CDH3: variants seen among roughly 807,000 people sequenced by gnomAD.
The protein encoded by CDH3 is cadherin-3.
Under a neutral mutation model 82.0 loss-of-function variants are expected in CDH3, and 54 were observed. That is an observed-to-expected ratio of 0.66 (90% confidence interval 0.53 to 0.83). The LOEUF is 0.83. Ranked by LOEUF, CDH3 falls within the 40% of genes least tolerant of loss-of-function variation. The pLI is 0.00. For synonymous variants in CDH3, 446 were observed against 437.9 expected, an observed-to-expected ratio of 1.02 and a Z score of -0.23; for missense variants, 1,054 against 1,084.6, an observed-to-expected ratio of 0.97 and a Z score of 0.40.
intron 2 of CDH3, among the ~76,000 whole-genome samples, chr16:68,654,893 T>A (rs187356090): frequency 6.7e-6 from 1 of 149,294 alleles, no homozygotes; most frequent in East Asian, 2.0e-4. Context: ...AAAATTAGCC[T>A]GGCGTGGTGG....
At chr16:68,687,886 A>G in intron 12 of CDH3, 150 bp downstream of exon 12, 2 of 675,054 alleles carry the variant, frequency 3.0e-6, no homozygotes, top group Non-Finnish European at 5.4e-6. Context: ...GATGCTATTT[A>G]TTAACCTGGT....
At position 68,698,354 on chromosome 16, in the gene CDH3, G is replaced by A. The variant is rs557740168; in HGVS notation, c.2444G>A (p.Arg815His). 5.1e-5 allele frequency: 83 copies of A among 1,614,226 alleles called. 2 individuals are homozygous for A. Among genetic ancestry groups the A allele is most frequent in the South Asian group, 4.7e-4 (43 of 91,088 alleles). The change falls in exon 16 of 16, where the codon CGC becomes CAC. Residue 815 changes from arginine (R) to histidine (H), a missense_variant. Coordinates refer to ENST00000264012, the MANE Select transcript of CDH3 (RefSeq NM_001793.6). Reference protein sequence around the residue: ...DYDYLNEWGSRFKKLADMYGG... With the variant: ...DYDYLNEWGSHFKKLADMYGG... The stretch of plus-strand genomic sequence containing the variant: ...GATTATCTGAACGAGTGGGGCAGCC[G>A]CTTCAAGAAGCTGGCAGACATGTAC...
chr16:68,684,255 G>A (rs1961331044), intron 9 of CDH3, among the ~76,000 whole-genome samples: 1 of 152,114 alleles, frequency 6.6e-6, no homozygotes, highest in Admixed American at 6.6e-5. Context: ...AAGCAATCCA[G>A]CAGCCTTGGC....
chr16:68,679,204 G>A lies in CDH3; in HGVS notation c.691+298G>A, dbSNP rs1168780927. The stretch of plus-strand genomic sequence containing the variant: ...GAATCTTGGCTTTGCCCTCTTTACC[G>A]GCTGTGATCCTGGGCATATTCTTGA... On this transcript the variant is annotated intron_variant, in intron 6 of 15. Coordinates refer to ENST00000264012, the MANE Select transcript of CDH3 (RefSeq NM_001793.6). Among the ~76,000 whole-genome samples the A allele has an allele frequency of 5.3e-5, 8 of 152,196 alleles. No individual in the cohort carries two copies. In the East Asian group the frequency reaches 7.7e-4, roughly 15 times the overall value.
chr16:68,723,124 T>TA (rs1317294011), intron 2 of CDH3, among the ~76,000 whole-genome samples: 4 of 151,722 alleles, frequency 2.6e-5, no homozygotes, highest in Non-Finnish European at 5.9e-5. Flanking sequence ...ATATAAATTA[T>TA]AAAGTATAAT....
chr16:68,663,760 C>T (rs956225608), intron 2 of CDH3, among the ~76,000 whole-genome samples: 2 of 151,666 alleles, frequency 1.3e-5, no homozygotes, highest in African/African-American at 4.8e-5. Context: ...GCTAGCTAAA[C>T]CATATGCCAG....
chr16:68,688,092 C>T (rs1961466831), intron 12 of CDH3, among the ~76,000 whole-genome samples: 2 of 151,250 alleles, frequency 1.3e-5, no homozygotes, highest in Admixed American at 1.3e-4. Flanking sequence ...GTGACATGGG[C>T]CAAGTCACTC....
intron 1 of CDH3, 57 bp downstream of exon 1, chr16:68,645,481 G>A: frequency 6.3e-7 from 1 of 1,578,186 alleles, no homozygotes; most frequent in South Asian, 1.1e-5. Context: ...GGGCGGGCGG[G>A]GTCCGCATGG....
At position 68,682,324 on chromosome 16, in the gene CDH3, A is replaced by T. The variant is rs779798560; in HGVS notation, c.1019A>T (p.Asn340Ile). Residue 340 changes from asparagine to isoleucine, a missense_variant, in exon 9 of 16, where the codon AAT becomes ATT. Transcript: ENST00000264012. Reference protein sequence around the residue: ...PQKYEAHVPENAVGHEVQRLT... With the variant: ...PQKYEAHVPEIAVGHEVQRLT... ...CAGTACGAGGCCCATGTGCCTGAGA[A>T]TGCAGTGGGCCATGAGGTGCAGAGG... is the stretch of plus-strand genomic sequence containing the variant. 4.3e-6 allele frequency: 7 copies of T among 1,613,842 alleles called. No homozygotes were observed. In the African/African-American group the frequency reaches 9.3e-5, roughly 22 times the overall value.
At chr16:68,696,315 A>G (rs1961720803) in intron 15 of CDH3, 3 of 338,568 alleles carry the variant, frequency 8.9e-6, no homozygotes, top group Non-Finnish European at 1.7e-5. Flanking sequence ...GCTACTCGGG[A>G]GGCTGAGCAC....
At chr16:68,708,686 C>G (rs1355791189) in intron 1 of CDH3, among the ~76,000 whole-genome samples, 3 of 151,526 alleles carry the variant, frequency 2.0e-5, no homozygotes, top group African/African-American at 7.3e-5. Flanking sequence ...CTCTGTCGCC[C>G]AGGCTGGAGT....
intron 12 of CDH3, among the ~76,000 whole-genome samples, chr16:68,688,112 C>T (rs1175894028): frequency 6.7e-6 from 1 of 149,646 alleles, no homozygotes; most frequent in East Asian, 2.0e-4. Context: ...CCCTCCCTCT[C>T]GAGGCCTCAG....
In CDH3 at chr16:68,678,282, G is replaced by A. The variant is rs570628442; in HGVS notation, c.390+5G>A. Reference sequence around the variant, plus strand: ...TTCCCCCAGAGACTGAATCAGGTACGACTGTGCCTTCTCCTGGGAAGCATT... The same window carrying A: ...TTCCCCCAGAGACTGAATCAGGTACAACTGTGCCTTCTCCTGGGAAGCATT... On this transcript the variant is annotated splice_donor_5th_base_variant and intron_variant, in intron 4 of 15. Transcript: ENST00000264012. The A allele has an allele frequency of 8.5e-5, 138 of 1,614,104 alleles. No homozygotes were observed. In the East Asian group the frequency reaches 2.3e-3, roughly 26 times the overall value.
chr16:68,669,528 G>A (rs1960828974), intron 2 of CDH3, among the ~76,000 whole-genome samples: 1 of 151,754 alleles, frequency 6.6e-6, no homozygotes, highest in Non-Finnish European at 1.5e-5. Context: ...TATGCCAGAA[G>A]ACAGGGTAGT....
exon 2 of CDH3, chr16:68,722,596 A>G (rs1216382467): frequency 6.6e-6 from 1 of 152,120 alleles, no homozygotes; most frequent in Non-Finnish European, 1.5e-5. Context: ...CAAGCCATCC[A>G]ATCAGTCCTC....
intron 2 of CDH3, among the ~76,000 whole-genome samples, chr16:68,670,012 C>T (rs1423055923): frequency 6.6e-6 from 1 of 152,014 alleles, no homozygotes; most frequent in African/African-American, 2.4e-5. Flanking sequence ...GGGTGGATCA[C>T]TTGAGTTTGA....
chr16:68,731,481 CGT>C (rs1339583389), downstream of CDH3, among the ~76,000 whole-genome samples: 206 of 37,420 alleles, frequency 5.5e-3, 5 homozygotes, highest in African/African-American at 0.016. Flanking sequence ...TACACACACA[CGT>C]ATATACACAT....
Position 68,656,777 on chromosome 16 carries a change from G to A in CDH3, c.160+11027G>A, listed in dbSNP as rs1047987202. 6.6e-5 allele frequency among the ~76,000 whole-genome samples: 10 copies of A among 152,182 alleles called. No individual in the cohort carries two copies. In the South Asian group the frequency reaches 1.7e-3, roughly 25 times the overall value. On this transcript the variant is annotated intron_variant, in intron 2 of 15. Coordinates refer to ENST00000264012, the MANE Select transcript of CDH3 (RefSeq NM_001793.6). The stretch of plus-strand genomic sequence containing the variant: ...TGGAAATAGTTAACTTCTGACCCAA[G>A]GGCTTTGAATTCCTATTCTCTCCAC...
At chr16:68,652,307 G>A (rs1174043400) in intron 2 of CDH3, among the ~76,000 whole-genome samples, 7 of 152,150 alleles carry the variant, frequency 4.6e-5, no homozygotes, top group African/African-American at 1.7e-4. Context: ...GCTTGTGCCT[G>A]GGGAGCAGGT....
Sources: gnomAD v4.1 joint callset for allele counts (sites outside exome capture counted in the v4.1 genomes callset) on GRCh38, gnomAD v4.1.1 for gene constraint, MANE v1.5 for transcripts, NCBI Gene and HGNC (gene_info 2026-07-23, HGNC 2026-07-21) for gene names.